Variants in DOCK3 observed in about 807,000 individuals in gnomAD.
The protein encoded by DOCK3 is dedicator of cytokinesis protein 3.
In DOCK3, 60 loss-of-function variants were observed where a neutral mutation model predicts 265.6. The observed-to-expected ratio is 0.23, with a 90% CI of 0.18 to 0.28. The LOEUF (loss-of-function observed/expected upper bound fraction) is 0.28, where lower values mean the gene tolerates loss of function less well. Among genes scored for constraint, DOCK3 ranks in the 10% least tolerant of loss-of-function variants. DOCK3 has a pLI of 1.00. For missense variants in DOCK3, 1,981 were observed against 2,594.3 expected, an observed-to-expected ratio of 0.76 and a Z score of 5.14; for synonymous variants, 881 against 938.0, an observed-to-expected ratio of 0.94 and a Z score of 1.11.
chr3:50,969,023 A>G (rs1390591617), intron 5 of DOCK3, among the ~76,000 whole-genome samples: 1 of 152,166 alleles, frequency 6.6e-6, no homozygotes, highest in Non-Finnish European at 1.5e-5. Context: ...ATTTAAGTCC[A>G]GGATTTCTTT....
At position 50,727,996 on chromosome 3, in the gene DOCK3, C is replaced by T. The variant is rs369438487; in HGVS notation, c.38-50679C>T. ...TGAAATTTTAGATCATTATACCCAA[C>T]AGAGTACACAGTTTTCAGTTGCTTA... On this transcript the variant is annotated intron_variant, in intron 1 of 52. Coordinates refer to ENST00000266037, the MANE Select transcript of DOCK3 (RefSeq NM_004947.5). Among the ~76,000 whole-genome samples the T allele has an allele frequency of 4.0e-4, 61 of 152,282 alleles. 1 individual carries two copies. The South Asian group carries it at 0.011, about 28-fold the overall frequency.
intron 12 of DOCK3, among the ~76,000 whole-genome samples, chr3:51,167,754 T>C (rs897935248): frequency 1.3e-5 from 2 of 152,200 alleles, no homozygotes; most frequent in Non-Finnish European, 2.9e-5. Flanking sequence ...GAGCTTGTCA[T>C]TAGTATATAG....
chr3:50,875,974 T>C (rs2047684814), intron 3 of DOCK3, among the ~76,000 whole-genome samples: 1 of 152,154 alleles, frequency 6.6e-6, no homozygotes, highest in South Asian at 2.1e-4. Context: ...CCAGCTCTAC[T>C]GGAGCATTAA....
chr3:51,332,874 G>T, intron 33 of DOCK3, 127 bp from the exon 34 acceptor site: 1 of 1,251,226 alleles, frequency 8.0e-7, no homozygotes, highest in South Asian at 1.3e-5. Context: ...GGCTGGAGCC[G>T]AACCCCTCCC....
At chr3:51,376,575 A>G (rs1286568908) in intron 51 of DOCK3, among the ~76,000 whole-genome samples, 3 of 152,094 alleles carry the variant, frequency 2.0e-5, no homozygotes, top group Non-Finnish European at 4.4e-5. Context: ...CCTTCCTGCC[A>G]CCCAGAACCT....
At chr3:51,110,182 C>CAAAT (rs534375828) in intron 9 of DOCK3, among the ~76,000 whole-genome samples, 113 of 151,942 alleles carry the variant, frequency 7.4e-4, no homozygotes, top group East Asian at 2.5e-3. Context: ...GCCTACCAGC[C>CAAAT]AAATAAATAA....
chr3:51,112,813 T>C (rs953970360), intron 9 of DOCK3, among the ~76,000 whole-genome samples: 2 of 152,140 alleles, frequency 1.3e-5, no homozygotes, highest in East Asian at 3.8e-4. Flanking sequence ...CTCTACAGAT[T>C]AATTAAAACA....
At chr3:50,908,772 T>C (rs2049687085) in intron 4 of DOCK3, among the ~76,000 whole-genome samples, 1 of 152,088 alleles carries the variant, frequency 6.6e-6, no homozygotes, top group African/African-American at 2.4e-5. Context: ...TTAATATCTT[T>C]GTTAATTTTC....
intron 12 of DOCK3, among the ~76,000 whole-genome samples, chr3:51,186,732 A>G (rs1254712064): frequency 6.6e-6 from 1 of 152,194 alleles, no homozygotes; most frequent in Non-Finnish European, 1.5e-5. Context: ...TGTGGCTGAA[A>G]GGGGCCAATG....
rs990691777 is a variant in DOCK3, at chr3:51,361,240, C to G, written c.5006+608C>G. Among the ~76,000 whole-genome samples, 5 of 152,188 alleles carry G rather than the reference C, an allele frequency of 3.3e-5. No individual in the cohort carries two copies. Among genetic ancestry groups the G allele is most frequent in the Non-Finnish European group, 7.3e-5 (5 of 68,028 alleles). ...GGAGGAGGAGACTAGTGAGAGGAGCCCCTCACTTAGGCTTGTTTTCCAGTG... is the reference window on the plus strand; with the variant it reads ...GGAGGAGGAGACTAGTGAGAGGAGCGCCTCACTTAGGCTTGTTTTCCAGTG... On this transcript the variant is annotated intron_variant, in intron 47 of 52. Coordinates refer to ENST00000266037, the MANE Select transcript of DOCK3 (RefSeq NM_004947.5). This position sits in a 1 kb window ranked among gnomAD's most constrained non-coding sequence, Gnocchi z 4.2.
chr3:51,278,092 T>A (rs2080911252), intron 26 of DOCK3: 19 of 984,846 alleles, frequency 1.9e-5, no homozygotes, highest in Non-Finnish European at 2.3e-5. Context: ...AACAGACTAT[T>A]TCTTCTAGGA....
At chr3:50,972,908 A>G (rs889545449) in intron 5 of DOCK3, among the ~76,000 whole-genome samples, 3 of 149,328 alleles carry the variant, frequency 2.0e-5, no homozygotes, top group Non-Finnish European at 3.0e-5. Context: ...TTTTAATTCC[A>G]TACAAGTTTT....
chr3:50,965,906 CAT>C (rs1043644767), intron 5 of DOCK3, among the ~76,000 whole-genome samples: 4 of 152,134 alleles, frequency 2.6e-5, no homozygotes, highest in Non-Finnish European at 5.9e-5. Context: ...TGTCAGCACA[CAT>C]GTTGTGCATT....
chr3:51,353,642 G>A (rs2086158542), intron 40 of DOCK3, among the ~76,000 whole-genome samples: 1 of 152,060 alleles, frequency 6.6e-6, no homozygotes, highest in Non-Finnish European at 1.5e-5. Flanking sequence ...ACAGACACAT[G>A]GCCCAGCCTT....
chr3:51,026,135 T>C (rs4244699), intron 5 of DOCK3, among the ~76,000 whole-genome samples: 137,170 of 152,168 alleles, frequency 0.9, 62,023 homozygotes, highest in African/African-American at 0.95. Flanking sequence ...GCCTCCAATC[T>C]GCCATTTTGA....
chr3:50,776,103 C>G (rs72942530), intron 1 of DOCK3, among the ~76,000 whole-genome samples: 13,506 of 152,108 alleles, frequency 0.089, 1,230 homozygotes, highest in East Asian at 0.33. Context: ...AGTGGATACC[C>G]AGTAGTGGGA....
intron 1 of DOCK3, among the ~76,000 whole-genome samples, chr3:50,765,142 C>T (rs989838113): frequency 4.4e-5 from 6 of 135,248 alleles, no homozygotes; most frequent in Non-Finnish European, 7.6e-5. Context: ...AGTGCAGTGG[C>T]GCAATCTCGG....
At chr3:50,883,974 A>G (rs569799691) in intron 3 of DOCK3, among the ~76,000 whole-genome samples, 1 of 152,152 alleles carries the variant, frequency 6.6e-6, no homozygotes, top group Non-Finnish European at 1.5e-5. Flanking sequence ...AAATGAAATT[A>G]TATAATAGGT....
chr3:50,984,295 C>G (rs933765556), intron 5 of DOCK3, among the ~76,000 whole-genome samples: 1 of 152,180 alleles, frequency 6.6e-6, no homozygotes, highest in African/African-American at 2.4e-5. Context: ...AGTTCTTTCT[C>G]ATTTGTTTGC....
Sources: gnomAD v4.1 joint callset for allele counts (sites outside exome capture counted in the v4.1 genomes callset) on GRCh38, gnomAD v4.1.1 for gene constraint, Gnocchi (gnomAD v3.1) non-coding constraint, MANE v1.5 for transcripts, NCBI Gene and HGNC (gene_info 2026-07-23, HGNC 2026-07-21) for gene names.